Variants in DENND2A observed in about 807,000 individuals in gnomAD.
DENND2A encodes DENN domain-containing protein 2A.
DENND2A carries 53 observed loss-of-function variants against 105.3 expected under a neutral mutation model. The ratio of observed to expected loss-of-function variants is 0.50; its 90% CI spans 0.40 to 0.63. The LOEUF (loss-of-function observed/expected upper bound fraction) is 0.63, where lower values mean the gene tolerates loss of function less well. Among genes scored for constraint, DENND2A ranks in the 30% least tolerant of loss-of-function variants. The pLI, the probability that DENND2A is intolerant of heterozygous loss-of-function variation, is 0.00. For synonymous variants in DENND2A, 522 were observed against 508.4 expected, an observed-to-expected ratio of 1.03 and a Z score of -0.36; for missense variants, 1,138 against 1,279.6, an observed-to-expected ratio of 0.89 and a Z score of 1.69.
intron 1 of DENND2A, among the ~76,000 whole-genome samples, chr7:140,631,643 C>G (rs994089495): frequency 2.0e-5 from 3 of 152,106 alleles, no homozygotes; most frequent in Non-Finnish European, 4.4e-5. Context: ...GGAAGGTTGT[C>G]TATGTTTGTT....
Position 140,602,161 on chromosome 7 carries a change from C to A in DENND2A, c.237G>T (p.Thr79=), listed in dbSNP as rs368178368. ...CCCCATCACTACTCCTCCTCTCCACCGTAGAGGACGGCAGATAATCCTCCT... is the reference window on the plus strand; with the variant it reads ...CCCCATCACTACTCCTCCTCTCCACAGTAGAGGACGGCAGATAATCCTCCT... ...DGQEDYLPSS[T]VERRSSDGVR... Residue 79 remains threonine, a synonymous_variant, in exon 3 of 20, where the codon ACG becomes ACT. Coordinates refer to ENST00000496613, the MANE Select transcript of DENND2A (RefSeq NM_015689.5). 1 of 1,614,052 alleles carries A rather than the reference C, an allele frequency of 6.2e-7. No individual in the cohort carries two copies. The highest frequency in any genetic ancestry group is 1.1e-5 in the South Asian group (1 of 91,074).
chr7:140,541,302 A>AG (rs1009564041), intron 14 of DENND2A, among the ~76,000 whole-genome samples: 2 of 151,946 alleles, frequency 1.3e-5, no homozygotes, highest in African/African-American at 4.8e-5. Context: ...GGGGTGTGTG[A>AG]GGGGGCCCAC....
At chr7:140,568,042 G>A (rs1797937460) in intron 8 of DENND2A, among the ~76,000 whole-genome samples, 2 of 152,172 alleles carry the variant, frequency 1.3e-5, no homozygotes, top group Non-Finnish European at 2.9e-5. Context: ...CCGGGTTCAA[G>A]TGATACTCCT....
intron 15 of DENND2A, among the ~76,000 whole-genome samples, chr7:140,526,011 G>A (rs567561093): frequency 2.4e-4 from 36 of 152,278 alleles, no homozygotes; most frequent in African/African-American, 7.9e-4. Context: ...CACCGACACC[G>A]CAGGCTGGGA....
chr7:140,520,898 G>A (rs1378175687), intron 18 of DENND2A, among the ~76,000 whole-genome samples: 2 of 141,284 alleles, frequency 1.4e-5, no homozygotes, highest in Non-Finnish European at 3.0e-5. Flanking sequence ...TTCTGAGACA[G>A]AGTTTCATTC....
At chr7:140,590,977 G>GA (rs1465020642) in intron 3 of DENND2A, among the ~76,000 whole-genome samples, 1 of 151,946 alleles carries the variant, frequency 6.6e-6, no homozygotes, top group Non-Finnish European at 1.5e-5. Context: ...AGTCCAATTT[G>GA]AAAACAATTA....
At chr7:140,530,340 A>G (rs1054731659) in intron 14 of DENND2A, among the ~76,000 whole-genome samples, 2 of 152,218 alleles carry the variant, frequency 1.3e-5, no homozygotes, top group South Asian at 4.1e-4. Flanking sequence ...TCCATTCCCC[A>G]ATTTGGGGGC....
intron 18 of DENND2A, 25 bp from the exon 19 acceptor site, chr7:140,519,743 A>T (rs762369000): frequency 6.2e-7 from 1 of 1,607,518 alleles, no homozygotes; most frequent in East Asian, 2.2e-5. Context: ...AATCCCAGCC[A>T]TTTGAGTTCT....
In DENND2A at chr7:140,602,138, C is replaced by T. The variant is rs768396233; in HGVS notation, c.260G>A (p.Gly87Glu). The T allele has an allele frequency of 6.2e-7, 1 of 1,614,172 alleles. No individual in the cohort carries two copies. Residue 87 changes from glycine (G) to glutamate (E), a missense_variant, in exon 3 of 20, where the codon GGG becomes GAG. By Grantham distance (98) the Gly-to-Glu change is moderately conservative (BLOSUM62 -2). Transcript: ENST00000496613. Reference sequence around the variant, plus strand: ...AGCCTCTGTGACCTGAGTTCTCACCCCATCACTACTCCTCCTCTCCACCGT... The same window carrying T: ...AGCCTCTGTGACCTGAGTTCTCACCTCATCACTACTCCTCCTCTCCACCGT... ...SSTVERRSSDGVRTQVTEAKN... is the reference protein window; with the variant it reads ...SSTVERRSSDEVRTQVTEAKN...
chr7:140,556,378 G>T (rs1797362908), intron 11 of DENND2A, among the ~76,000 whole-genome samples: 1 of 151,514 alleles, frequency 6.6e-6, no homozygotes, highest in Non-Finnish European at 1.5e-5. Flanking sequence ...TTGCTCTGTT[G>T]TCCAGACTGG....
intron 18 of DENND2A, among the ~76,000 whole-genome samples, chr7:140,520,785 C>T (rs1445956128): frequency 6.6e-6 from 1 of 151,904 alleles, no homozygotes; most frequent in Non-Finnish European, 1.5e-5. Flanking sequence ...TCTCGAACTC[C>T]TGACCTCAGG....
At chr7:140,585,553 C>A (rs536478031) in intron 5 of DENND2A, 36 bp downstream of exon 5, 1 of 1,612,774 alleles carries the variant, frequency 6.2e-7, no homozygotes, top group African/African-American at 1.3e-5. Context: ...CATGCTTTGG[C>A]CCCCTCTCCT....
intron 1 of DENND2A, among the ~76,000 whole-genome samples, chr7:140,632,842 G>A (rs1800779276): frequency 6.7e-6 from 1 of 149,174 alleles, no homozygotes; most frequent in African/African-American, 2.5e-5. Flanking sequence ...TGGGGTTACA[G>A]GCATGAGCCA....
At chr7:140,563,575 G>C (rs181838569) in intron 9 of DENND2A, among the ~76,000 whole-genome samples, 1 of 149,902 alleles carries the variant, frequency 6.7e-6, no homozygotes, top group Admixed American at 6.8e-5. Context: ...GAGAGAGAAG[G>C]AGGAAAAGGG....
At chr7:140,584,560 G>C (rs1360144294) in intron 5 of DENND2A, among the ~76,000 whole-genome samples, 3 of 152,218 alleles carry the variant, frequency 2.0e-5, no homozygotes, top group Admixed American at 6.5e-5. Flanking sequence ...GCAATGGGTT[G>C]AAATTACCAT....
At position 140,546,868 on chromosome 7, in the gene DENND2A, C is replaced by T. The variant is rs1417068919; in HGVS notation, c.2109G>A (p.Met703Ile). ...ALVQPLMRSVMEAPFPALGKT... is the reference protein window; with the variant it reads ...ALVQPLMRSVIEAPFPALGKT... ...TGCCCAGGGCTGGGAAAGGGGCTTC[C>T]ATGACACTTCTCATGAGTGGCTGAA... Residue 703 changes from methionine to isoleucine, a missense_variant, in exon 13 of 20, where the codon ATG becomes ATA. Met to Ile is a conservative substitution (Grantham distance 10). Transcript: ENST00000496613. 1 of 1,614,054 alleles carries T rather than the reference C, an allele frequency of 6.2e-7. No homozygotes were observed. Among genetic ancestry groups the T allele is most frequent in the Non-Finnish European group, 8.5e-7 (1 of 1,180,020 alleles).
intron 4 of DENND2A, among the ~76,000 whole-genome samples, chr7:140,586,710 C>T (rs1047321146): frequency 2.6e-5 from 4 of 152,218 alleles, no homozygotes; most frequent in African/African-American, 7.2e-5. Flanking sequence ...ATCTGGGAAT[C>T]CCGCTGCTTT....
intron 5 of DENND2A, among the ~76,000 whole-genome samples, chr7:140,575,869 T>C (rs2130617244): frequency 6.6e-6 from 1 of 151,824 alleles, no homozygotes; most frequent in East Asian, 1.9e-4. Context: ...CTCGGGAGGC[T>C]GAGACAGGAT....
At chr7:140,579,831 T>A (rs1326656815) in intron 5 of DENND2A, among the ~76,000 whole-genome samples, 1 of 152,170 alleles carries the variant, frequency 6.6e-6, no homozygotes, top group African/African-American at 2.4e-5. Flanking sequence ...TAAATACACA[T>A]ATACAAGATG....
Sources: gnomAD v4.1 joint callset for allele counts (sites outside exome capture counted in the v4.1 genomes callset) on GRCh38, gnomAD v4.1.1 for gene constraint, MANE v1.5 for transcripts, NCBI Gene and HGNC (gene_info 2026-07-23, HGNC 2026-07-21) for gene names.